Variants in PLA2R1 observed in about 807,000 individuals in gnomAD.
PLA2R1 encodes phospholipase A2 receptor 1.
PLA2R1 carries 158 observed loss-of-function variants against 195.9 expected under a neutral mutation model. The observed-to-expected ratio is 0.81, with a 90% CI of 0.71 to 0.92. The LOEUF (loss-of-function observed/expected upper bound fraction) is 0.92, where lower values mean the gene tolerates loss of function less well. PLA2R1 is among the 40% of genes least tolerant of loss of function. The probability of loss-of-function intolerance (pLI) is 0.00; values close to 1 mark genes in which losing one functional copy is unlikely to be tolerated. For missense variants in PLA2R1, 1,626 were observed against 1,764.6 expected, an observed-to-expected ratio of 0.92 and a Z score of 1.41; for synonymous variants, 586 against 598.2, an observed-to-expected ratio of 0.98 and a Z score of 0.30.
chr2:160,023,276 G>A (rs1018498807), intron 6 of PLA2R1, among the ~76,000 whole-genome samples: 1 of 152,086 alleles, frequency 6.6e-6, no homozygotes, highest in African/African-American at 2.4e-5. Context: ...GGATGAGACA[G>A]AAAGTCTCAT....
intron 20 of PLA2R1, among the ~76,000 whole-genome samples, chr2:159,966,523 G>A (rs1688801826): frequency 6.6e-6 from 1 of 152,166 alleles, no homozygotes; most frequent in Non-Finnish European, 1.5e-5. Context: ...GGCTAGAATG[G>A]TGAATTCTAT....
intron 20 of PLA2R1, 94 bp downstream of exon 20, chr2:159,967,443 TCA>T: frequency 9.2e-7 from 1 of 1,081,822 alleles, no homozygotes; most frequent in South Asian, 1.7e-5. Flanking sequence ...TATGGACAAC[TCA>T]CAGCTTTCAA....
intron 4 of PLA2R1, among the ~76,000 whole-genome samples, chr2:160,032,378 A>G (rs1212265711): frequency 2.0e-5 from 3 of 152,256 alleles, no homozygotes; most frequent in Non-Finnish European, 2.9e-5. Context: ...CATTTAATCT[A>G]TAAAGAAGAA....
chr2:160,061,207 C>T (rs2105732253), intron 1 of PLA2R1, among the ~76,000 whole-genome samples: 1 of 152,322 alleles, frequency 6.6e-6, no homozygotes, highest in South Asian at 2.1e-4. Flanking sequence ...GCATATTTAA[C>T]TCCCTCCTGT....
chr2:159,969,584 C>G (rs1689011357), intron 18 of PLA2R1, among the ~76,000 whole-genome samples: 1 of 151,956 alleles, frequency 6.6e-6, no homozygotes, highest in Non-Finnish European at 1.5e-5. Flanking sequence ...TCTCTGTCAC[C>G]CAGGCTGAGT....
At chr2:160,023,002 C>G in intron 6 of PLA2R1, 143 bp from the exon 7 acceptor site, 1 of 610,302 alleles carries the variant, frequency 1.6e-6, no homozygotes, top group Non-Finnish European at 2.8e-6. Context: ...TCATGGAATT[C>G]TAGATCTTCA....
At chr2:160,016,979 G>T (rs183078858) in intron 8 of PLA2R1, among the ~76,000 whole-genome samples, 272 of 152,268 alleles carry the variant, frequency 1.8e-3, no homozygotes, top group Non-Finnish European at 2.6e-3. Context: ...CTTGATAGCT[G>T]CCATGTGCTA....
intron 23 of PLA2R1, among the ~76,000 whole-genome samples, chr2:159,954,508 A>G: frequency 9.6e-6 from 1 of 104,126 alleles, no homozygotes; most frequent in East Asian, 2.4e-4. Flanking sequence ...CCTATTCCAA[A>G]TAAGTATATA....
chr2:160,062,441 G>A lies in PLA2R1; in HGVS notation c.-38C>T, dbSNP rs990307356. On this transcript the variant is annotated 5_prime_UTR_variant, in exon 1 of 30. Coordinates refer to ENST00000283243, the MANE Select transcript of PLA2R1 (RefSeq NM_007366.5). Reference sequence around the variant, plus strand: ...GGCTCTCCGGGAGCCCCTTGTCCCGGGAGCCCCTTATCCCGGGAGCCCAGA... The same window carrying A: ...GGCTCTCCGGGAGCCCCTTGTCCCGAGAGCCCCTTATCCCGGGAGCCCAGA... The A allele has an allele frequency of 6.6e-6, 10 of 1,514,314 alleles. No homozygotes were observed. The highest frequency in any genetic ancestry group is 1.5e-5 in the African/African-American group (1 of 68,882). 93.8% of individuals were successfully genotyped at this position (1,514,314 alleles called of 1,614,324 possible). A position where few individuals can be genotyped will look rare whatever the true frequency, so the allele number is the denominator to read the frequency against.
At chr2:160,029,595 A>G (rs901566415) in intron 4 of PLA2R1, among the ~76,000 whole-genome samples, 1 of 152,216 alleles carries the variant, frequency 6.6e-6, no homozygotes, top group Non-Finnish European at 1.5e-5. Context: ...GTTTAATGCA[A>G]TACCATTTTT....
chr2:159,994,373 A>C (rs1258841833), intron 11 of PLA2R1, among the ~76,000 whole-genome samples: 1 of 152,060 alleles, frequency 6.6e-6, no homozygotes, highest in Non-Finnish European at 1.5e-5. Flanking sequence ...ATGAAAACAG[A>C]CTTTAGGAGA....
At chr2:159,944,706 T>G (rs892406127) in intron 28 of PLA2R1, among the ~76,000 whole-genome samples, 200 bp downstream of exon 28, 2 of 152,230 alleles carry the variant, frequency 1.3e-5, no homozygotes, top group Non-Finnish European at 2.9e-5. Flanking sequence ...AGTTGACTTA[T>G]AATGATTTTT....
At chr2:159,945,597 A>T (rs1687338960) in intron 27 of PLA2R1, among the ~76,000 whole-genome samples, 2 of 152,176 alleles carry the variant, frequency 1.3e-5, no homozygotes, top group Admixed American at 1.3e-4. Context: ...CCAGTCTATC[A>T]TTGTTGGACA....
chr2:159,962,920 A>G (rs924313853), intron 20 of PLA2R1, among the ~76,000 whole-genome samples: 5 of 151,690 alleles, frequency 3.3e-5, no homozygotes, highest in Non-Finnish European at 7.4e-5. Flanking sequence ...CATTAGGAGC[A>G]ATACCTAATG....
chr2:160,028,312 T>C lies in PLA2R1; in HGVS notation c.1005A>G (p.Ser335=), dbSNP rs758553080. Residue 335 remains serine, a synonymous_variant, in exon 6 of 30, where the codon TCA becomes TCG. Coordinates refer to ENST00000283243, the MANE Select transcript of PLA2R1 (RefSeq NM_007366.5). ...FVEDHCGTFS[S]FMPSAWRSRD... is the part of the protein sequence containing the mutation. ...GACTCCTCCAGGCACTTGGCATAAA[T>C]GAACTAAATGTTCCACAGTGATCTT... The C allele has an allele frequency of 6.2e-7, 1 of 1,608,700 alleles. No individual in the cohort carries two copies. Among genetic ancestry groups the C allele is most frequent in the South Asian group, 1.1e-5 (1 of 90,664 alleles).
At chr2:159,966,885 C>A (rs544655623) in intron 20 of PLA2R1, among the ~76,000 whole-genome samples, 2 of 152,020 alleles carry the variant, frequency 1.3e-5, no homozygotes, top group Non-Finnish European at 2.9e-5. Flanking sequence ...GGAGACTAGG[C>A]CTTAATTGAA....
chr2:160,058,260 G>A (rs1188527204), intron 1 of PLA2R1, among the ~76,000 whole-genome samples: 3 of 152,152 alleles, frequency 2.0e-5, no homozygotes, highest in East Asian at 3.9e-4. Context: ...TTCCGTCGGC[G>A]CAGCATGTCG....
At chr2:160,023,972 G>T (rs532342099) in intron 6 of PLA2R1, among the ~76,000 whole-genome samples, 1 of 151,246 alleles carries the variant, frequency 6.6e-6, no homozygotes, top group South Asian at 2.1e-4. Context: ...AAGAGCAAGG[G>T]GACCCTAGCA....
chr2:159,940,744 C>T lies in PLA2R1; in HGVS notation c.*1034G>A, dbSNP rs1410064713. The T allele has an allele frequency of 6.6e-6, 1 of 152,036 alleles. No individual in the cohort carries two copies. Among genetic ancestry groups the T allele is most frequent in the East Asian group, 1.9e-4 (1 of 5,200 alleles). 9.4% of individuals were successfully genotyped at this position (152,036 alleles called of 1,614,324 possible). A position where few individuals can be genotyped will look rare whatever the true frequency, so the allele number is the denominator to read the frequency against. Reference sequence around the variant, plus strand: ...TAACTAGACTAATATAAAAGGAGATCGTTCCCAGAAAATAGTTTATTAAAT... The same window carrying T: ...TAACTAGACTAATATAAAAGGAGATTGTTCCCAGAAAATAGTTTATTAAAT... On this transcript the variant is annotated 3_prime_UTR_variant, in exon 30 of 30. Coordinates refer to ENST00000283243, the MANE Select transcript of PLA2R1 (RefSeq NM_007366.5).
Sources: allele counts gnomAD v4.1 joint callset (sites outside exome capture counted in the v4.1 genomes callset), GRCh38; gene constraint gnomAD v4.1.1; transcripts MANE v1.5; gene names NCBI Gene and HGNC (gene_info 2026-07-23, HGNC 2026-07-21).